SPTBN5: variants seen among roughly 807,000 people sequenced by gnomAD.
SPTBN5 encodes spectrin beta chain, non-erythrocytic 5.
Under a neutral mutation model 477.6 loss-of-function variants are expected in SPTBN5, and 513 were observed. The ratio of observed to expected loss-of-function variants is 1.07; its 90% confidence interval spans 1.00 to 1.16. SPTBN5 has a LOEUF of 1.16. SPTBN5 is among the 50% of genes most tolerant of loss of function. The pLI is 0.00. For missense variants in SPTBN5, 5,062 were observed against 4,731.8 expected (o/e 1.07, Z -2.05); for synonymous variants, 2,169 against 2,011.7 (o/e 1.08, Z -2.09).
intron 60 of SPTBN5, 37 bp from the exon 61 acceptor site, chr15:41,852,772 G>T (rs74659979): frequency 1.9e-4 from 302 of 1,582,930 alleles, no homozygotes; most frequent in African/African-American, 2.4e-4. Context: ...CCCAGCTTGG[G>T]GGGGGGGGCC....
chr15:41,871,940 C>A, intron 27 of SPTBN5, 23 bp from the exon 28 acceptor site: 1 of 1,523,240 alleles, frequency 6.6e-7, no homozygotes, highest in East Asian at 2.4e-5. Context: ...TCCGTGGTTC[C>A]CCAGAAGTGA....
At position 41,874,869 on chromosome 15, in the gene SPTBN5, A is replaced by C. The variant is rs1285082804; in HGVS notation, c.4475T>G (p.Leu1492Arg). Residue 1492 changes from leucine (L) to arginine (R), a missense_variant, in exon 23 of 68, where the codon CTG (leucine) becomes CGG (arginine). By Grantham distance (102) the Leu-to-Arg change is moderately radical (BLOSUM62 -2). Coordinates refer to ENST00000320955, the MANE Select transcript of SPTBN5 (RefSeq NM_016642.4). ...CCGGAGGTGCTTCTGGGTCTCTTCC[A>C]GGATGGCCGGGGAGGCGGCCATGCC... is the stretch of plus-strand genomic sequence containing the variant. The part of the protein sequence containing the change: ...AHGMAASPAI[L>R]EETQKHLRRL... The C allele has an allele frequency of 6.2e-7, 1 of 1,611,032 alleles. No individual in the cohort carries two copies. Among genetic ancestry groups the C allele is most frequent in the Admixed American group, 1.7e-5 (1 of 59,996 alleles).
At position 41,852,221 on chromosome 15, in the gene SPTBN5, CT is replaced by C. The variant is rs2065787813; in HGVS notation, c.10544del (p.Gln3515ArgfsTer3). On this transcript the variant is annotated frameshift_variant, in exon 62 of 68. Coordinates refer to ENST00000320955, the MANE Select transcript of SPTBN5 (RefSeq NM_016642.4). LOFTEE classifies it high-confidence loss of function. ...TSFQWRPSGHQGLGAQLAETR... is the reference protein window; with the variant it reads ...TSFQWRPSGHXGLGAQLAETR... The stretch of plus-strand genomic sequence containing the variant: ...TCTCAGCCAGCTGTGCTCCTAGCCC[CT>C]GGTGTCCAGAGGGCCTCCACTGAAA... The C allele has an allele frequency of 1.2e-6, 2 of 1,608,812 alleles. No homozygotes were observed. The highest frequency in any genetic ancestry group is 1.7e-6 in the Non-Finnish European group (2 of 1,176,906).
intron 56 of SPTBN5, 101 bp downstream of exon 56, chr15:41,854,678 GGGT>G (rs1037058324): frequency 9.0e-6 from 9 of 997,736 alleles, no homozygotes; most frequent in Non-Finnish European, 1.3e-5. Context: ...GAGGCCAGCA[GGGT>G]GTGTGTCTTG....
intron 6 of SPTBN5, 111 bp downstream of exon 6, chr15:41,887,102 T>C: frequency 1.1e-6 from 1 of 920,610 alleles, no homozygotes. Context: ...CACAGTGAAG[T>C]TGGGTGACTT....
In SPTBN5 at chr15:41,870,048, C is replaced by T. The variant is rs771455084; in HGVS notation, c.5674-28G>A. 4.1e-6 allele frequency: 6 copies of T among 1,462,662 alleles called. No homozygotes were observed. The South Asian group carries it at 5.7e-5, about 14-fold the overall frequency. 90.6% of individuals were successfully genotyped at this position (1,462,662 alleles called of 1,614,324 possible). Reference sequence around the variant, plus strand: ...GCGGGAGGGGCAGGGAATAGGGAGGCAAGGGTCATGTCCTCCTGATTATCC... The same window carrying T: ...GCGGGAGGGGCAGGGAATAGGGAGGTAAGGGTCATGTCCTCCTGATTATCC... On this transcript the variant is annotated intron_variant, in intron 31 of 67. Transcript: ENST00000320955.
chr15:41,860,566 C>T lies in SPTBN5; in HGVS notation c.7988+20G>A, dbSNP rs899156082. The T allele has an allele frequency of 1.7e-5, 24 of 1,383,604 alleles. No homozygotes were observed. The highest frequency in any genetic ancestry group is 2.2e-5 in the Non-Finnish European group (23 of 1,062,584). 85.7% of individuals were successfully genotyped at this position (1,383,604 alleles called of 1,614,324 possible). The stretch of plus-strand genomic sequence containing the variant: ...GTGCCAGCCTGCCCACAGCACCCCT[C>T]ACCCCAGAGCCACCACTACCTCAGA... On this transcript the variant is annotated intron_variant, in intron 47 of 67. Coordinates refer to ENST00000320955, the MANE Select transcript of SPTBN5 (RefSeq NM_016642.4).
chr15:41,867,732 G>C (rs2066377232), intron 34 of SPTBN5, 90 bp from the exon 35 acceptor site: 1 of 1,255,226 alleles, frequency 8.0e-7, no homozygotes, highest in African/African-American at 1.5e-5. Flanking sequence ...CTCTGGGTAT[G>C]GCAGGGCCTT....
Position 41,854,807 on chromosome 15 carries a change from T to G in SPTBN5, c.9593A>C (p.Asp3198Ala). The G allele has an allele frequency of 6.4e-7, 1 of 1,568,402 alleles. No individual in the cohort carries two copies. Among genetic ancestry groups the G allele is most frequent in the Non-Finnish European group, 8.6e-7 (1 of 1,156,952 alleles). ...SRIEAAWERL[D>A]QAIKARTENL... ...CTCTGTGCGGGCTTTTATTGCTTGG[T>G]CCAACCTCTCCCAAGCAGCCTCAAT... Residue 3198 changes from aspartate (D) to alanine (A), a missense_variant, in exon 56 of 68, where the codon GAC becomes GCC. Asp to Ala is a moderately radical substitution (Grantham distance 126). Coordinates refer to ENST00000320955, the MANE Select transcript of SPTBN5 (RefSeq NM_016642.4).
intron 55 of SPTBN5, 67 bp from the exon 56 acceptor site, chr15:41,855,043 A>T: frequency 6.7e-7 from 1 of 1,483,424 alleles, no homozygotes; most frequent in Non-Finnish European, 9.0e-7. Flanking sequence ...GCTCATGAAG[A>T]GCTCAGCAGA....
At position 41,878,884 on chromosome 15, in the gene SPTBN5, G is replaced by A. The variant is rs372290631; in HGVS notation, c.3183-255C>T. Among the ~76,000 whole-genome samples the A allele has an allele frequency of 8.5e-5, 13 of 152,234 alleles. No individual in the cohort carries two copies. In the East Asian group the frequency reaches 1.9e-3, roughly 23 times the overall value. On this transcript the variant is annotated intron_variant, in intron 16 of 67. Coordinates refer to ENST00000320955, the MANE Select transcript of SPTBN5 (RefSeq NM_016642.4). ...AGATCGAGACCATCCCGGCTAAAAC[G>A]GTGAAACCCCGTCTCTACTAAAAAT...
intron 12 of SPTBN5, among the ~76,000 whole-genome samples, chr15:41,881,448 C>A (rs926734259): frequency 2.0e-5 from 3 of 152,220 alleles, no homozygotes; most frequent in African/African-American, 7.2e-5. Context: ...TTGATTTCCA[C>A]ATCGTGTGCT....
At chr15:41,884,418 C>T (rs773425365) in intron 7 of SPTBN5, among the ~76,000 whole-genome samples, 1 of 152,158 alleles carries the variant, frequency 6.6e-6, no homozygotes, top group Non-Finnish European at 1.5e-5. Flanking sequence ...CCAGGCCCGG[C>T]CTAACATCTT....
rs969083244 is a variant in SPTBN5, at chr15:41,890,308, A to C, written c.385-103T>G. The C allele has an allele frequency of 7.8e-6, 6 of 765,592 alleles. No homozygotes were observed. The African/African-American group carries it at 1.0e-4, about 13-fold the overall frequency. 47.4% of individuals were successfully genotyped at this position (765,592 alleles called of 1,614,324 possible). The stretch of plus-strand genomic sequence containing the variant: ...AGCTGCGGGATGGGAGCATCCTGGA[A>C]TCTATCCTGCCCCAGCTGGGAGTTC... On this transcript the variant is annotated intron_variant, in intron 3 of 67. Transcript: ENST00000320955.
intron 5 of SPTBN5, 27 bp downstream of exon 5, chr15:41,887,901 G>C (rs763710896): frequency 6.3e-7 from 1 of 1,596,424 alleles, no homozygotes; most frequent in Non-Finnish European, 8.5e-7. Context: ...AGTGGGCAGA[G>C]GCCTCCTGAC....
In SPTBN5 at chr15:41,852,772, G is replaced by C. The variant is rs74659979; in HGVS notation, c.10348-37C>G. On this transcript the variant is annotated intron_variant, in intron 60 of 67. Transcript: ENST00000320955. ...CATGTTCAGGTGACGCCCAGCTTGGGGGGGGGGGCCCAGAGCCTGGTAGCC... is the reference window on the plus strand; with the variant it reads ...CATGTTCAGGTGACGCCCAGCTTGGCGGGGGGGGCCCAGAGCCTGGTAGCC... The C allele has an allele frequency of 1.0e-3, 1,577 of 1,582,930 alleles. 12 individuals are homozygous for C. Among genetic ancestry groups the C allele is most frequent in the Admixed American group, 7.9e-3 (465 of 59,054 alleles).
intron 46 of SPTBN5, 142 bp from the exon 47 acceptor site, chr15:41,860,900 A>C: frequency 2.4e-6 from 2 of 835,370 alleles, no homozygotes; most frequent in Non-Finnish European, 3.4e-6. Flanking sequence ...CACATCCCTC[A>C]AGGCTGTTTC....
At chr15:41,887,095 A>G (rs1350769261) in intron 6 of SPTBN5, 118 bp downstream of exon 6, 1 of 850,498 alleles carries the variant, frequency 1.2e-6, no homozygotes. Context: ...GAGGGTGCAC[A>G]GTGAAGTTGG....
At position 41,877,276 on chromosome 15, in the gene SPTBN5, C is replaced by G; in HGVS notation, c.3551G>C (p.Arg1184Thr). The change falls in exon 18 of 68, where the codon AGG becomes ACG. Residue 1184 changes from arginine to threonine, a missense_variant. By Grantham distance (71) the Arg-to-Thr change is moderately conservative. Coordinates refer to ENST00000320955, the MANE Select transcript of SPTBN5 (RefSeq NM_016642.4). ...CTCCTGGCCCTGCTGCCCCAGGACC[C>G]TCAGAGTGTTGGGCACCTCTTGGGA... is the stretch of plus-strand genomic sequence containing the variant. ...PDSQEVPNTL[R>T]VLGQQGQELK... 6.2e-7 allele frequency: 1 copy of G among 1,613,826 alleles called. No individual in the cohort carries two copies. The highest frequency in any genetic ancestry group is 1.3e-5 in the African/African-American group (1 of 75,054).
Sources: gnomAD v4.1 joint callset for allele counts (sites outside exome capture counted in the v4.1 genomes callset) on GRCh38, gnomAD v4.1.1 for gene constraint, MANE v1.5 for transcripts, NCBI Gene and HGNC (gene_info 2026-07-23, HGNC 2026-07-21) for gene names.